Variants in TBC1D22A observed in about 807,000 individuals in gnomAD.
TBC1D22A encodes the protein TBC1 domain family member 22A, also known as putative GTPase activator.
Under a neutral mutation model 60.2 loss-of-function variants are expected in TBC1D22A, and 38 were observed. The ratio of observed to expected loss-of-function variants is 0.63; its 90% CI spans 0.49 to 0.83. The LOEUF (loss-of-function observed/expected upper bound fraction) is 0.83, where lower values mean the gene tolerates loss of function less well. TBC1D22A is among the 40% of genes least tolerant of loss of function. The pLI is 0.00. For missense variants in TBC1D22A, 628 were observed against 701.0 expected (o/e 0.90, Z 1.18); for synonymous variants, 302 against 281.7 (o/e 1.07, Z -0.72).
chr22:46,819,525 G>C (rs1040074090), intron 4 of TBC1D22A, among the ~76,000 whole-genome samples: 9 of 152,198 alleles, frequency 5.9e-5, no homozygotes, highest in Admixed American at 3.3e-4. Context: ...TTCTGTTTAT[G>C]TGATGGATTA....
intron 8 of TBC1D22A, among the ~76,000 whole-genome samples, chr22:46,941,201 ATATG>A (rs1399474293): frequency 2.4e-5 from 3 of 125,466 alleles, no homozygotes; most frequent in Non-Finnish European, 4.8e-5. Context: ...ATATATGTAT[ATATG>A]TATACACACA....
intron 7 of TBC1D22A, among the ~76,000 whole-genome samples, chr22:46,904,126 T>G (rs1413289667): frequency 1.1e-4 from 10 of 93,722 alleles, no homozygotes; most frequent in African/African-American, 5.0e-4. Flanking sequence ...TATCTATCTA[T>G]CTATCTATCT....
At chr22:46,956,750 A>G (rs909507529) in intron 8 of TBC1D22A, among the ~76,000 whole-genome samples, 1 of 152,168 alleles carries the variant, frequency 6.6e-6, no homozygotes, top group Non-Finnish European at 1.5e-5. Context: ...CCACTGTGAG[A>G]TGGCCGAGGG....
chr22:46,776,294 G>T (rs1170115305), intron 1 of TBC1D22A, among the ~76,000 whole-genome samples: 1 of 152,194 alleles, frequency 6.6e-6, no homozygotes, highest in Non-Finnish European at 1.5e-5. Flanking sequence ...AGCCTGGCGG[G>T]TCGCTGGCTA....
chr22:46,841,049 T>TGGGG (rs1325497259), intron 4 of TBC1D22A, among the ~76,000 whole-genome samples: 3 of 143,590 alleles, frequency 2.1e-5, no homozygotes, highest in African/African-American at 7.8e-5. Context: ...TGAAAATGGG[T>TGGGG]GTGTGTGTGT....
intron 11 of TBC1D22A, among the ~76,000 whole-genome samples, chr22:47,083,088 C>T (rs77643894): frequency 6.6e-6 from 1 of 152,206 alleles, no homozygotes; most frequent in Non-Finnish European, 1.5e-5. Flanking sequence ...CCTGATTTCA[C>T]TTACGCTAAG....
chr22:47,164,766 T>C (rs1041478548), intron 12 of TBC1D22A, among the ~76,000 whole-genome samples: 2 of 152,222 alleles, frequency 1.3e-5, no homozygotes, highest in African/African-American at 4.8e-5. Context: ...GCAGCGGACC[T>C]TTTCGCCATG....
chr22:46,974,559 C>G (rs780473266), intron 9 of TBC1D22A, among the ~76,000 whole-genome samples, 160 bp downstream of exon 9: 2 of 152,178 alleles, frequency 1.3e-5, no homozygotes, highest in African/African-American at 4.8e-5. Flanking sequence ...TCCGGGTTGA[C>G]GAGGGGTGAG....
intron 4 of TBC1D22A, among the ~76,000 whole-genome samples, chr22:46,874,761 A>G (rs2067468033): frequency 6.6e-6 from 1 of 151,748 alleles, no homozygotes; most frequent in East Asian, 1.9e-4. Context: ...TTTAGTAGAG[A>G]TGGGATTTCA....
intron 3 of TBC1D22A, among the ~76,000 whole-genome samples, chr22:46,796,180 G>C (rs144905286): frequency 6.6e-6 from 1 of 152,148 alleles, no homozygotes; most frequent in East Asian, 1.9e-4. Flanking sequence ...CAGCGGGGAT[G>C]GGGGAGGAGA....
intron 11 of TBC1D22A, among the ~76,000 whole-genome samples, chr22:47,044,376 C>T (rs1038657444): frequency 1.2e-4 from 19 of 152,244 alleles, no homozygotes; most frequent in Admixed American, 9.2e-4. Context: ...TGCCTCGGGT[C>T]TCCACTTGCC....
chr22:46,940,013 T>C (rs2071888867), intron 8 of TBC1D22A, among the ~76,000 whole-genome samples: 1 of 152,232 alleles, frequency 6.6e-6, no homozygotes, highest in Non-Finnish European at 1.5e-5. Context: ...CCAGATTTGG[T>C]TCCAGACAAC....
chr22:46,977,257 T>C (rs530671967), intron 9 of TBC1D22A, among the ~76,000 whole-genome samples: 2 of 152,340 alleles, frequency 1.3e-5, no homozygotes, highest in South Asian at 2.1e-4. Flanking sequence ...GTCATAACTA[T>C]GTTTTTGGCT....
At chr22:47,029,297 T>C (rs1164542567) in intron 10 of TBC1D22A, among the ~76,000 whole-genome samples, 1 of 151,754 alleles carries the variant, frequency 6.6e-6, no homozygotes, top group Non-Finnish European at 1.5e-5. Context: ...TCCATACCCC[T>C]TCCCGTGGGG....
chr22:46,774,209 C>T (rs1265421061), intron 1 of TBC1D22A: 5 of 985,556 alleles, frequency 5.1e-6, no homozygotes, highest in Non-Finnish European at 6.0e-6. Flanking sequence ...TTGCTGTGCT[C>T]GGCAGCAGAG....
chr22:47,108,309 A>C (rs5767498), intron 11 of TBC1D22A, among the ~76,000 whole-genome samples: 62,236 of 152,058 alleles, frequency 0.41, 13,081 homozygotes, highest in South Asian at 0.55. Flanking sequence ...TCAGTCCATC[A>C]ACAGATGAAT....
At chr22:47,065,623 A>G in intron 11 of TBC1D22A, among the ~76,000 whole-genome samples, 1 of 152,270 alleles carries the variant, frequency 6.6e-6, no homozygotes, top group Non-Finnish European at 1.5e-5. Flanking sequence ...ACGAGGACTT[A>G]GCAGGCCTCG....
intron 4 of TBC1D22A, among the ~76,000 whole-genome samples, chr22:46,855,067 G>A (rs959785379): frequency 8.6e-5 from 13 of 151,984 alleles, no homozygotes; most frequent in Admixed American, 3.9e-4. Context: ...ATTTTCTATG[G>A]GCCCAGTGCT....
chr22:47,096,771 G>A (rs190278099), intron 11 of TBC1D22A, among the ~76,000 whole-genome samples: 46 of 152,264 alleles, frequency 3.0e-4, no homozygotes, highest in East Asian at 5.8e-4. Flanking sequence ...GCAGTGAGCC[G>A]AGATTGTGCC....
Sources: allele counts gnomAD v4.1 joint callset (sites outside exome capture counted in the v4.1 genomes callset), GRCh38; gene constraint gnomAD v4.1.1; transcripts MANE v1.5; gene names NCBI Gene and HGNC (gene_info 2026-07-23, HGNC 2026-07-21).